Variants in HECW1 observed in about 807,000 individuals in gnomAD.
HECW1 encodes the protein HECT, C2 and WW domain containing E3 ubiquitin protein ligase 1.
A neutral mutation model predicts 182.3 loss-of-function variants in HECW1; 61 were observed. That is an observed-to-expected ratio of 0.33 (90% CI 0.27 to 0.41). The LOEUF (loss-of-function observed/expected upper bound fraction) is 0.41, where lower values mean the gene tolerates loss of function less well. Ranked by LOEUF, HECW1 falls within the 10% of genes least tolerant of loss-of-function variation. The pLI, the probability that HECW1 is intolerant of heterozygous loss-of-function variation, is 1.00. For missense variants in HECW1, 1,739 were observed against 2,108.9 expected, an observed-to-expected ratio of 0.82 and a Z score of 3.44; for synonymous variants, 859 against 832.6, an observed-to-expected ratio of 1.03 and a Z score of -0.55.
intron 16 of HECW1, among the ~76,000 whole-genome samples, chr7:43,479,293 C>T (rs1188498904): frequency 6.6e-6 from 1 of 152,044 alleles, no homozygotes; most frequent in Non-Finnish European, 1.5e-5. Flanking sequence ...GAGTGTGCAA[C>T]CCAGATCCCA....
chr7:43,146,927 A>G (rs1319693351), intron 2 of HECW1, among the ~76,000 whole-genome samples: 1 of 152,190 alleles, frequency 6.6e-6, no homozygotes, highest in Non-Finnish European at 1.5e-5. Context: ...TCAAACTGGG[A>G]TACAGGAACT....
chr7:43,245,529 C>T (rs1799304905), intron 3 of HECW1: 1 of 152,210 alleles, frequency 6.6e-6, no homozygotes, highest in South Asian at 2.1e-4. Flanking sequence ...ACAATCTCAG[C>T]TCATGGCATC....
intron 6 of HECW1, among the ~76,000 whole-genome samples, chr7:43,372,936 C>T (rs1334599903): frequency 6.6e-6 from 1 of 152,148 alleles, no homozygotes; most frequent in Non-Finnish European, 1.5e-5. Flanking sequence ...ATCAACCCCA[C>T]AGCCATTCCT....
intron 3 of HECW1, among the ~76,000 whole-genome samples, chr7:43,311,048 T>C (rs1227178444): frequency 6.6e-6 from 1 of 152,222 alleles, no homozygotes; most frequent in Non-Finnish European, 1.5e-5. Context: ...TCATTTTAAG[T>C]GCTCAAAGTT....
intron 3 of HECW1, among the ~76,000 whole-genome samples, chr7:43,263,905 A>C (rs988286380): frequency 6.6e-6 from 1 of 152,214 alleles, no homozygotes; most frequent in Non-Finnish European, 1.5e-5. Flanking sequence ...CACAAATCAC[A>C]AAGTAATGAT....
chr7:43,530,150 G>A (rs1405493350), intron 24 of HECW1, among the ~76,000 whole-genome samples: 2 of 144,824 alleles, frequency 1.4e-5, no homozygotes, highest in Admixed American at 1.4e-4. Flanking sequence ...TAGAGATGGG[G>A]TTTCACCACA....
chr7:43,165,878 T>C (rs1791063424), intron 2 of HECW1, among the ~76,000 whole-genome samples: 1 of 152,254 alleles, frequency 6.6e-6, no homozygotes, highest in African/African-American at 2.4e-5. Context: ...TGTGTTGAGA[T>C]TCTGAGTCCC....
At chr7:43,257,620 T>G (rs1800716821) in intron 3 of HECW1, among the ~76,000 whole-genome samples, 2 of 152,078 alleles carry the variant, frequency 1.3e-5, no homozygotes, top group Non-Finnish European at 2.9e-5. Flanking sequence ...GGGATTTATT[T>G]TATTTGTGTG....
intron 7 of HECW1, among the ~76,000 whole-genome samples, chr7:43,403,912 G>A (rs2075514263): frequency 6.6e-6 from 1 of 151,962 alleles, no homozygotes; most frequent in Non-Finnish European, 1.5e-5. Flanking sequence ...TATAATAAAT[G>A]TACATATGTC....
At chr7:43,336,124 T>TC (rs1812181848) in intron 5 of HECW1, among the ~76,000 whole-genome samples, 3 of 64,246 alleles carry the variant, frequency 4.7e-5, no homozygotes, top group Admixed American at 1.6e-4. Context: ...CTTTCTTTCT[T>TC]TCTCTCTCTC....
intron 6 of HECW1, among the ~76,000 whole-genome samples, chr7:43,382,927 C>G (rs2074615256): frequency 6.6e-6 from 1 of 152,150 alleles, no homozygotes; most frequent in South Asian, 2.1e-4. Flanking sequence ...GCTCTCCCTC[C>G]CCTTGTCCCC....
At chr7:43,305,820 G>T (rs1164023058) in intron 3 of HECW1, among the ~76,000 whole-genome samples, 5 of 151,930 alleles carry the variant, frequency 3.3e-5, no homozygotes, top group South Asian at 2.1e-4. Flanking sequence ...GAGTTCAATG[G>T]CACGATCTCG....
rs550063676 is a variant in HECW1 at position 43,314,919 on chromosome 7, G to A, written c.352+2832G>A. 8.7e-4 allele frequency among the ~76,000 whole-genome samples: 132 copies of A among 152,302 alleles called. 1 individual carries two copies. The highest frequency in any genetic ancestry group is 3.1e-3 in the South Asian group (15 of 4,820). ...GTCATTTCATGAATGAGGAGATGTC[G>A]AATCAGTGGCTCCCACAGTCACACA... is the stretch of plus-strand genomic sequence containing the variant. On this transcript the variant is annotated intron_variant, in intron 4 of 29. Transcript: ENST00000395891.
At chr7:43,462,705 G>T (rs990156632) in intron 13 of HECW1, among the ~76,000 whole-genome samples, 1 of 151,726 alleles carries the variant, frequency 6.6e-6, no homozygotes, top group Non-Finnish European at 1.5e-5. Context: ...CTCTCCACTG[G>T]TCTCCTGGCC....
chr7:43,497,689 G>T (rs1264409442), intron 19 of HECW1, among the ~76,000 whole-genome samples: 1 of 152,174 alleles, frequency 6.6e-6, no homozygotes, highest in Non-Finnish European at 1.5e-5. Context: ...GAAGGGAGCA[G>T]TTTGGGGTGA....
chr7:43,452,781 T>C (rs548455971), intron 12 of HECW1, among the ~76,000 whole-genome samples: 1 of 152,246 alleles, frequency 6.6e-6, no homozygotes, highest in East Asian at 1.9e-4. Flanking sequence ...GGTTTGCAGT[T>C]TTAAAACAAG....
chr7:43,169,775 G>A (rs182863942), intron 2 of HECW1, among the ~76,000 whole-genome samples: 15 of 140,574 alleles, frequency 1.1e-4, no homozygotes, highest in South Asian at 6.6e-4. Flanking sequence ...TGCAAGCTTC[G>A]CCTCCCGGGT....
intron 13 of HECW1, among the ~76,000 whole-genome samples, chr7:43,458,955 T>C (rs2152891028): frequency 6.6e-6 from 1 of 152,318 alleles, no homozygotes; most frequent in East Asian, 1.9e-4. Context: ...GAGTACACAA[T>C]AGCAATCAAT....
At chr7:43,282,175 C>T (rs1373682584) in intron 3 of HECW1, among the ~76,000 whole-genome samples, 4 of 152,232 alleles carry the variant, frequency 2.6e-5, no homozygotes, top group Non-Finnish European at 5.9e-5. Context: ...CGGCTGTGTG[C>T]ATGGGTCACT....
Sources: gnomAD v4.1 joint callset for allele counts (sites outside exome capture counted in the v4.1 genomes callset) on GRCh38, gnomAD v4.1.1 for gene constraint, MANE v1.5 for transcripts, NCBI Gene and HGNC (gene_info 2026-07-23, HGNC 2026-07-21) for gene names.